CXADR: variants seen among roughly 807,000 people sequenced by gnomAD.
CXADR encodes CXADR cell adhesion molecule, also known as coxsackievirus and adenovirus receptor.
CXADR carries 20 observed loss-of-function variants against 40.3 expected under a neutral mutation model. The observed-to-expected ratio is 0.50, with a 90% CI of 0.35 to 0.72. The LOEUF is 0.72. CXADR is among the 30% of genes least tolerant of loss of function. CXADR has a pLI of 0.01. For missense variants in CXADR, 332 were observed against 449.1 expected, an observed-to-expected ratio of 0.74 and a Z score of 2.36; for synonymous variants, 150 against 161.3, an observed-to-expected ratio of 0.93 and a Z score of 0.53.
At position 17,577,169 on chromosome 21, in the gene CXADR, T is replaced by A. The variant is rs114332239; in HGVS notation, c.1017+11558T>A. Among the ~76,000 whole-genome samples the A allele has an allele frequency of 5.0e-3, 756 of 152,206 alleles. 5 individuals are homozygous for A. The highest frequency in any genetic ancestry group is 0.017 in the African/African-American group (721 of 41,544). On this transcript the variant is annotated intron_variant, in intron 7 of 7. Transcript: ENST00000400169. ...CCTGTCTCAAAAAAAAAAAAATTGT[T>A]TCCTTGTTAAGATAACACTGTGACC...
At chr21:17,600,726 T>A in the CXADR span, among the ~76,000 whole-genome samples, 2 of 152,128 alleles carry the variant, frequency 1.3e-5, no homozygotes. Context: ...AATCTAGCAG[T>A]CTCAGAGATC....
chr21:17,542,048 T>G (rs1413169016), intron 1 of CXADR: 1 of 361,148 alleles, frequency 2.8e-6, no homozygotes, highest in Admixed American at 3.7e-5. Flanking sequence ...AAATGGTGAT[T>G]TTTTAATAAG....
At chr21:17,528,100 GTCTGGC>G (rs1342841040) in intron 1 of CXADR, among the ~76,000 whole-genome samples, 1 of 107,156 alleles carries the variant, frequency 9.3e-6, no homozygotes, top group African/African-American at 3.5e-5. Context: ...TTGAGACAGA[GTCTGGC>G]TCTGTCGCCC....
At chr21:17,592,761 T>TA (rs2061450980) in intron 7 of CXADR, among the ~76,000 whole-genome samples, 1 of 151,858 alleles carries the variant, frequency 6.6e-6, no homozygotes, top group Non-Finnish European at 1.5e-5. Context: ...AAAGAGTAGA[T>TA]ATGGTTTAGA....
At chr21:17,586,632 C>A (rs1210530677) in intron 7 of CXADR, among the ~76,000 whole-genome samples, 1 of 151,510 alleles carries the variant, frequency 6.6e-6, no homozygotes, top group African/African-American at 2.4e-5. Flanking sequence ...TACGTGATTT[C>A]TTTAATATAT....
At chr21:17,608,265 T>C in the CXADR span, among the ~76,000 whole-genome samples, 25 of 152,106 alleles carry the variant, frequency 1.6e-4, no homozygotes, top group African/African-American at 6.0e-4. Flanking sequence ...CCTAGCTACT[T>C]TGGAGTCTGA....
At chr21:17,541,086 C>G (rs2060821418) in intron 1 of CXADR, among the ~76,000 whole-genome samples, 1 of 152,050 alleles carries the variant, frequency 6.6e-6, no homozygotes, top group Non-Finnish European at 1.5e-5. Context: ...CGCCCCCCAC[C>G]AGAGTGTACC....
chr21:17,569,627 T>C lies in CXADR; in HGVS notation c.*3935T>C. On this transcript the variant is annotated 3_prime_UTR_variant, in exon 7 of 7. Coordinates refer to ENST00000284878, the MANE Select transcript of CXADR (RefSeq NM_001338.5). ...AATTGTGGTTCAGTTTATTTATCTTTAGGGAAGGCTGATCATTTATCTTAT... is the reference window on the plus strand; with the variant it reads ...AATTGTGGTTCAGTTTATTTATCTTCAGGGAAGGCTGATCATTTATCTTAT... The C allele has an allele frequency of 1.0e-6, 1 of 983,676 alleles. No individual in the cohort carries two copies. Among genetic ancestry groups the C allele is most frequent in the African/African-American group, 1.7e-5 (1 of 57,280 alleles). 60.9% of individuals were successfully genotyped at this position (983,676 alleles called of 1,614,324 possible). A position where few individuals can be genotyped will look rare whatever the true frequency, so the allele number is the denominator to read the frequency against.
intron 1 of CXADR, among the ~76,000 whole-genome samples, chr21:17,543,838 A>G (rs1405773014): frequency 6.6e-6 from 1 of 152,190 alleles, no homozygotes; most frequent in Non-Finnish European, 1.5e-5. Flanking sequence ...ACAAGGTAAC[A>G]TGGGAAGAAG....
intron 2 of CXADR, among the ~76,000 whole-genome samples, chr21:17,548,885 AAC>A (rs1025346601): frequency 2.0e-5 from 3 of 152,208 alleles, no homozygotes; most frequent in Admixed American, 2.0e-4. Context: ...TCTAACCTAA[AAC>A]ACAGTCACAT....
chr21:17,547,232 G>GTGC (rs1327359354), intron 2 of CXADR, 39 bp downstream of exon 2: 2 of 1,611,866 alleles, frequency 1.2e-6, no homozygotes, highest in African/African-American at 2.7e-5. Flanking sequence ...GCAGCTGTCT[G>GTGC]TGCAACTATC....
intron 1 of CXADR, among the ~76,000 whole-genome samples, chr21:17,519,758 C>T (rs181370365): frequency 2.4e-4 from 36 of 152,176 alleles, no homozygotes; most frequent in Admixed American, 2.2e-3. Flanking sequence ...ATATTTTCAG[C>T]TCCCAGCCTG....
chr21:17,549,629 A>C (rs1472875918), intron 2 of CXADR, among the ~76,000 whole-genome samples: 1 of 152,198 alleles, frequency 6.6e-6, no homozygotes, highest in Non-Finnish European at 1.5e-5. Flanking sequence ...ATTTCATGGT[A>C]AATTTCCCAT....
At chr21:17,528,572 ATT>A in intron 1 of CXADR, among the ~76,000 whole-genome samples, 1 of 150,782 alleles carries the variant, frequency 6.6e-6, no homozygotes, top group East Asian at 2.0e-4. Context: ...CGCCCAGCTA[ATT>A]TTTTGTATTT....
At chr21:17,609,804 G>A in the CXADR span, among the ~76,000 whole-genome samples, 16 of 152,158 alleles carry the variant, frequency 1.1e-4, no homozygotes, top group Non-Finnish European at 1.8e-4. Context: ...TTATACACAC[G>A]TATGGAATAT....
the CXADR span, among the ~76,000 whole-genome samples, chr21:17,599,723 ACCCGCCTCGGCCT>A: frequency 6.6e-6 from 1 of 151,690 alleles, no homozygotes. Context: ...CAGGTGATCC[ACCCGCCTCGGCCT>A]CCCAAAGTGC....
At chr21:17,626,042 C>T in the CXADR span, among the ~76,000 whole-genome samples, 4 of 152,222 alleles carry the variant, frequency 2.6e-5, no homozygotes, top group Admixed American at 2.0e-4. Context: ...GCCTTCCCTT[C>T]CCCATTGTTA....
At chr21:17,621,811 T>A in the CXADR span, among the ~76,000 whole-genome samples, 1 of 152,220 alleles carries the variant, frequency 6.6e-6, no homozygotes. Context: ...TATTCATAAA[T>A]TACCCAGTTC....
the CXADR span, among the ~76,000 whole-genome samples, chr21:17,603,569 ATAGT>A: frequency 6.6e-6 from 1 of 152,210 alleles, no homozygotes; most frequent in African/African-American, 2.4e-5. Context: ...TTAGGAGTAC[ATAGT>A]TAGGGTTCCT....
Sources: allele counts gnomAD v4.1 joint callset (sites outside exome capture counted in the v4.1 genomes callset), GRCh38; gene constraint gnomAD v4.1.1; transcripts MANE v1.5; gene names NCBI Gene and HGNC (gene_info 2026-07-23, HGNC 2026-07-21).